The following MCTP1 variants were observed in gnomAD, a reference collection of about 807,000 sequenced individuals.
MCTP1 encodes the protein multiple C2 and transmembrane domain containing 1.
In MCTP1, 69 loss-of-function variants were observed where a neutral mutation model predicts 120.6. That is an observed-to-expected ratio of 0.57 (90% CI 0.47 to 0.70). The LOEUF is 0.70. Ranked by LOEUF, MCTP1 falls within the 30% of genes least tolerant of loss-of-function variation. The pLI, the probability that MCTP1 is intolerant of heterozygous loss-of-function variation, is 0.00. For synonymous variants in MCTP1, 529 were observed against 493.1 expected, an observed-to-expected ratio of 1.07 and a Z score of -0.96; for missense variants, 1,203 against 1,248.8, an observed-to-expected ratio of 0.96 and a Z score of 0.55.
chr5:94,876,093 A>ATAGT (rs1253716568), intron 12 of MCTP1, among the ~76,000 whole-genome samples: 3 of 152,164 alleles, frequency 2.0e-5, no homozygotes, highest in East Asian at 3.9e-4. Context: ...AGCATGGACT[A>ATAGT]TAGTTGTATT....
chr5:94,959,238 A>T (rs1038386085), intron 2 of MCTP1, among the ~76,000 whole-genome samples: 4 of 152,084 alleles, frequency 2.6e-5, no homozygotes, highest in Non-Finnish European at 4.4e-5. Flanking sequence ...TGCTAAAAAC[A>T]CTCAATAAAC....
intron 2 of MCTP1, among the ~76,000 whole-genome samples, chr5:94,992,623 G>T (rs1382817369): frequency 6.6e-6 from 1 of 152,188 alleles, no homozygotes; most frequent in Non-Finnish European, 1.5e-5. Flanking sequence ...CCAGGCCACA[G>T]GTACAATGTC....
intron 17 of MCTP1, among the ~76,000 whole-genome samples, chr5:94,819,118 T>TATTTATTCATTCATTCATTC (rs78332652): frequency 7.1e-6 from 1 of 140,636 alleles, no homozygotes; most frequent in Non-Finnish European, 1.5e-5. Flanking sequence ...TTTATTTATT[T>TATTTATTCATTCATTCATTC]ATTCATTCAT....
At chr5:94,766,220 G>A (rs1302417652) in intron 19 of MCTP1, among the ~76,000 whole-genome samples, 5 of 152,146 alleles carry the variant, frequency 3.3e-5, no homozygotes, top group Non-Finnish European at 2.9e-5. Flanking sequence ...GCACTCTAGC[G>A]AGGGCGAGAA....
intron 2 of MCTP1, among the ~76,000 whole-genome samples, chr5:95,017,076 T>C (rs1205454490): frequency 6.6e-6 from 1 of 152,130 alleles, no homozygotes; most frequent in Non-Finnish European, 1.5e-5. Flanking sequence ...GCCTCACTTA[T>C]GTAACCAATT....
chr5:94,872,550 C>T (rs1467108871), intron 13 of MCTP1, among the ~76,000 whole-genome samples: 1 of 151,904 alleles, frequency 6.6e-6, no homozygotes, highest in Non-Finnish European at 1.5e-5. Flanking sequence ...TTTCAAAAGC[C>T]CTGTTTAAAA....
intron 3 of MCTP1, among the ~76,000 whole-genome samples, chr5:94,944,411 T>TGCA: frequency 6.6e-6 from 1 of 152,306 alleles, no homozygotes; most frequent in East Asian, 1.9e-4. Flanking sequence ...TGCAAGTGGC[T>TGCA]GCAGCAGTGT....
intron 1 of MCTP1, among the ~76,000 whole-genome samples, chr5:95,158,099 G>T (rs1277367554): frequency 1.3e-5 from 2 of 152,150 alleles, no homozygotes; most frequent in African/African-American, 4.8e-5. Flanking sequence ...AAATAGAATT[G>T]ATATTAAGTA....
intron 1 of MCTP1, among the ~76,000 whole-genome samples, chr5:95,217,445 A>G (rs1033464908): frequency 1.3e-5 from 2 of 152,240 alleles, no homozygotes; most frequent in African/African-American, 4.8e-5. Context: ...TTCTAACTAT[A>G]GATAACTATA....
intron 2 of MCTP1, among the ~76,000 whole-genome samples, chr5:95,006,681 G>C (rs1834825796): frequency 6.6e-6 from 1 of 152,126 alleles, no homozygotes; most frequent in Non-Finnish European, 1.5e-5. Flanking sequence ...ATCAAAGGAA[G>C]GGACTGCCAA....
intron 1 of MCTP1, among the ~76,000 whole-genome samples, chr5:95,168,817 T>A (rs1000344589): frequency 2.2e-4 from 34 of 152,350 alleles, no homozygotes; most frequent in African/African-American, 7.9e-4. Flanking sequence ...TGGGGTTTTC[T>A]AAATATACAA....
chr5:95,139,191 T>C (rs901486125), intron 1 of MCTP1, among the ~76,000 whole-genome samples: 1 of 152,124 alleles, frequency 6.6e-6, no homozygotes, highest in Non-Finnish European at 1.5e-5. Context: ...ACTCTAAGCA[T>C]AGAAAATTAA....
chr5:94,742,624 T>C (rs1393166041), intron 19 of MCTP1, among the ~76,000 whole-genome samples: 1 of 150,678 alleles, frequency 6.6e-6, no homozygotes, highest in Non-Finnish European at 1.5e-5. Flanking sequence ...GCATAGAAAC[T>C]TCTAAAGCCT....
chr5:95,273,571 T>A (rs1759577904), intron 1 of MCTP1, among the ~76,000 whole-genome samples: 1 of 152,096 alleles, frequency 6.6e-6, no homozygotes, highest in Admixed American at 6.6e-5. Context: ...TAAACTAACA[T>A]GTTTTATTTA....
intron 1 of MCTP1, among the ~76,000 whole-genome samples, chr5:95,080,641 T>C (rs1453164478): frequency 6.6e-6 from 1 of 152,208 alleles, no homozygotes; most frequent in Non-Finnish European, 1.5e-5. Flanking sequence ...CTTTAAACAC[T>C]GATTTGATGT....
intron 2 of MCTP1, among the ~76,000 whole-genome samples, chr5:95,015,008 C>G (rs1836803419): frequency 6.6e-6 from 1 of 152,096 alleles, no homozygotes; most frequent in South Asian, 2.1e-4. Flanking sequence ...ACAGAAGGCT[C>G]AGATGATTGT....
intron 1 of MCTP1, among the ~76,000 whole-genome samples, chr5:95,154,020 T>G (rs1582383425): frequency 6.6e-6 from 1 of 152,242 alleles, no homozygotes; most frequent in Admixed American, 6.5e-5. Context: ...ATTTTAATAA[T>G]GAAACAAATA....
chr5:95,192,867 A>C (rs1749977551), intron 1 of MCTP1, among the ~76,000 whole-genome samples: 1 of 152,228 alleles, frequency 6.6e-6, no homozygotes, highest in African/African-American at 2.4e-5. Flanking sequence ...CCATATCAGC[A>C]GGAACATTTC....
At chr5:94,982,205 T>C (rs745932158) in intron 2 of MCTP1, among the ~76,000 whole-genome samples, 1 of 152,206 alleles carries the variant, frequency 6.6e-6, no homozygotes, top group Non-Finnish European at 1.5e-5. Flanking sequence ...ATGTCTACAC[T>C]ATATCCTTTA....
Sources: gnomAD v4.1 joint callset for allele counts (sites outside exome capture counted in the v4.1 genomes callset) on GRCh38, gnomAD v4.1.1 for gene constraint, MANE v1.5 for transcripts, NCBI Gene and HGNC (gene_info 2026-07-23, HGNC 2026-07-21) for gene names.